The following EFHC2 variants were observed in gnomAD, a reference collection of about 807,000 sequenced individuals.
The protein encoded by EFHC2 is EF-hand domain-containing family member C2.
A neutral mutation model predicts 52.7 loss-of-function variants in EFHC2; 18 were observed. That is an observed-to-expected ratio of 0.34 (90% confidence interval 0.24 to 0.51). The LOEUF (loss-of-function observed/expected upper bound fraction) is 0.51. EFHC2 is among the 20% of genes least tolerant of loss of function. EFHC2 has a pLI of 0.97. For synonymous variants in EFHC2, 203 were observed against 204.1 expected (o/e 0.99, Z 0.04); for missense variants, 513 against 562.5 (o/e 0.91, Z 0.89).
intron 2 of EFHC2, among the ~76,000 whole-genome samples, chrX:44,301,428 T>G (rs183594906): frequency 8.9e-6 from 1 of 111,920 alleles, no homozygotes; most frequent in East Asian, 2.8e-4. Context: ...CAGCTTTGTG[T>G]GAATAACTCT....
At chrX:44,156,528 G>C (rs2036607238) in intron 14 of EFHC2, among the ~76,000 whole-genome samples, 1 of 111,503 alleles carries the variant, frequency 9.0e-6, no homozygotes, top group Admixed American at 9.5e-5. Context: ...TCAACAAGGC[G>C]GGTGTCCAAA....
chrX:44,281,841 G>T (rs1437147152), intron 2 of EFHC2, among the ~76,000 whole-genome samples: 1 of 111,031 alleles, frequency 9.0e-6, no homozygotes, highest in Non-Finnish European at 1.9e-5. Context: ...TCATGAGAGG[G>T]TCAACAAATA....
intron 14 of EFHC2, among the ~76,000 whole-genome samples, chrX:44,154,542 GA>G (rs1182372317): frequency 5.0e-4 from 50 of 99,597 alleles, no homozygotes; most frequent in Admixed American, 6.5e-4. Flanking sequence ...CTCTACAAAA[GA>G]AAAAAAAAAA....
chrX:44,338,845 G>A (rs1411808823), intron 1 of EFHC2, among the ~76,000 whole-genome samples: 1 of 109,977 alleles, frequency 9.1e-6, no homozygotes, highest in African/African-American at 3.3e-5. Context: ...ATTAGATGAT[G>A]GGCTATTTAC....
rs774377910 is a variant in EFHC2, at chrX:44,248,347, C to A, written c.1036G>T (p.Val346Leu). 1 of 1,176,979 alleles carries A rather than the reference C, an allele frequency of 8.5e-7. No individual in the cohort carries two copies. The highest frequency in any genetic ancestry group is 1.9e-5 in the South Asian group (1 of 53,050). ...SDLSLGVTIN[V>L]WGRKVLLYDC... ...TAAAGGAGCACTTTTCTTCCCCACA[C>A]ATTGATGGTGACTCCTAGGGACAGG... The change falls in exon 7 of 15, where the codon GTG becomes TTG. Residue 346 changes from valine (V) to leucine (L), a missense_variant. Coordinates refer to ENST00000420999, the MANE Select transcript of EFHC2 (RefSeq NM_025184.4).
At chrX:44,250,137 C>G in intron 5 of EFHC2, 57 bp downstream of exon 5, 1 of 1,164,727 alleles carries the variant, frequency 8.6e-7, no homozygotes, top group Non-Finnish European at 1.2e-6. Context: ...ACATTCCAAA[C>G]AGTGACTAGT....
At chrX:44,167,916 C>CA (rs1443663641) in intron 13 of EFHC2, among the ~76,000 whole-genome samples, 13 of 111,750 alleles carry the variant, frequency 1.2e-4, no homozygotes, top group Admixed American at 4.7e-4. Context: ...CCCTTTTCCC[C>CA]AAAATCCTAC....
intron 13 of EFHC2, among the ~76,000 whole-genome samples, chrX:44,165,582 T>TA (rs1029539803): frequency 8.9e-6 from 1 of 112,212 alleles, no homozygotes; most frequent in African/African-American, 3.2e-5. Context: ...AACTTTTTTT[T>TA]AGCACAGAGC....
chrX:44,169,042 G>C (rs2036722703), intron 13 of EFHC2, among the ~76,000 whole-genome samples: 1 of 111,095 alleles, frequency 9.0e-6, no homozygotes, highest in Non-Finnish European at 1.9e-5. Flanking sequence ...GGAAAGATGT[G>C]AGATATGAGG....
At chrX:44,198,628 G>A (rs1265157290) in intron 11 of EFHC2, among the ~76,000 whole-genome samples, 1 of 111,342 alleles carries the variant, frequency 9.0e-6, no homozygotes, top group African/African-American at 3.3e-5. Context: ...GTACCAACGC[G>A]AAGAGGTAGC....
intron 2 of EFHC2, among the ~76,000 whole-genome samples, chrX:44,278,901 T>C (rs1242255073): frequency 8.9e-6 from 1 of 112,096 alleles, no homozygotes; most frequent in Admixed American, 9.5e-5. Flanking sequence ...TGTGTGCTTT[T>C]CTCTTGTTAA....
At chrX:44,327,424 AAC>A (rs968959246) in intron 1 of EFHC2, among the ~76,000 whole-genome samples, 1 of 111,817 alleles carries the variant, frequency 8.9e-6, no homozygotes, top group African/African-American at 3.2e-5. Flanking sequence ...AATAAACATT[AAC>A]ACAACTTATT....
intron 1 of EFHC2, among the ~76,000 whole-genome samples, chrX:44,337,606 T>A (rs1228399090): frequency 8.9e-6 from 1 of 112,339 alleles, no homozygotes; most frequent in East Asian, 2.8e-4. Context: ...TATTGGATTA[T>A]TATAGCTACA....
rs1458059733 is a variant in EFHC2 at position 44,210,573 on chromosome X, G to A, written c.1751+19076C>T. ...TCAACAAGGCAATTCAGTGGAGAAA[G>A]GATAGTCTTTTCAACAAATGATGCT... On this transcript the variant is annotated intron_variant, in intron 11 of 14. Transcript: ENST00000420999. Among the ~76,000 whole-genome samples the A allele has an allele frequency of 3.6e-5, 4 of 112,386 alleles. No individual in the cohort carries two copies. The Admixed American group carries it at 3.8e-4, about 11-fold the overall frequency.
intron 14 of EFHC2, among the ~76,000 whole-genome samples, chrX:44,157,181 G>C (rs1004995613): frequency 1.8e-5 from 2 of 111,880 alleles, no homozygotes; most frequent in African/African-American, 6.5e-5. Flanking sequence ...GTTTGTTGTT[G>C]ACCCCTATTC....
At chrX:44,214,675 T>C (rs1165179418) in intron 11 of EFHC2, among the ~76,000 whole-genome samples, 1 of 112,428 alleles carries the variant, frequency 8.9e-6, no homozygotes, top group Non-Finnish European at 1.9e-5. Context: ...TAAGGAAAGA[T>C]AGTGCATTAG....
intron 8 of EFHC2, among the ~76,000 whole-genome samples, chrX:44,238,609 T>A (rs895080950): frequency 1.8e-5 from 2 of 111,361 alleles, no homozygotes; most frequent in Admixed American, 1.9e-4. Context: ...ACTCCATCCA[T>A]GTCGGCCTCC....
intron 4 of EFHC2, among the ~76,000 whole-genome samples, chrX:44,253,505 AG>A (rs1030909970): frequency 4.5e-5 from 5 of 111,854 alleles, no homozygotes; most frequent in Non-Finnish European, 9.4e-5. Context: ...CAAAGCTGCC[AG>A]GAAGTTGTAA....
At chrX:44,238,764 C>T (rs927338986) in intron 8 of EFHC2, among the ~76,000 whole-genome samples, 9 of 112,061 alleles carry the variant, frequency 8.0e-5, no homozygotes, top group African/African-American at 2.6e-4. Context: ...TGTTCCTCAG[C>T]CCCATACTCC....
Sources: allele counts gnomAD v4.1 joint callset (sites outside exome capture counted in the v4.1 genomes callset), GRCh38; gene constraint gnomAD v4.1.1; transcripts MANE v1.5; gene names NCBI Gene and HGNC (gene_info 2026-07-23, HGNC 2026-07-21).